MACROD2: variants seen among roughly 807,000 people sequenced by gnomAD.
The protein encoded by MACROD2 is mono-ADP ribosylhydrolase 2.
Under a neutral mutation model 70.4 loss-of-function variants are expected in MACROD2, and 36 were observed. That is an observed-to-expected ratio of 0.51 (90% CI 0.39 to 0.68). MACROD2 has a LOEUF of 0.68. Among genes scored for constraint, MACROD2 ranks in the 30% least tolerant of loss-of-function variants. MACROD2 has a pLI of 0.00. For synonymous variants in MACROD2, 172 were observed against 178.8 expected, an observed-to-expected ratio of 0.96 and a Z score of 0.30; for missense variants, 496 against 538.4, an observed-to-expected ratio of 0.92 and a Z score of 0.78.
chr20:14,212,380 G>C (rs755286856), intron 3 of MACROD2, among the ~76,000 whole-genome samples: 6 of 152,150 alleles, frequency 3.9e-5, no homozygotes, highest in African/African-American at 7.2e-5. Context: ...GAAAAAAGCA[G>C]CAGCAAGATT....
chr20:15,056,372 A>G (rs1371099905), intron 5 of MACROD2, among the ~76,000 whole-genome samples: 1 of 152,038 alleles, frequency 6.6e-6, no homozygotes, highest in Non-Finnish European at 1.5e-5. Flanking sequence ...CCTTGCCCCA[A>G]GCACTCAGAG....
chr20:14,640,048 TG>T (rs1985003620), intron 4 of MACROD2, among the ~76,000 whole-genome samples: 1 of 152,180 alleles, frequency 6.6e-6, no homozygotes, highest in Non-Finnish European at 1.5e-5. Context: ...GGGTTACCTG[TG>T]GACCCCTTTC....
At chr20:14,213,018 G>A (rs2081583251) in intron 3 of MACROD2, among the ~76,000 whole-genome samples, 1 of 151,850 alleles carries the variant, frequency 6.6e-6, no homozygotes, top group Non-Finnish European at 1.5e-5. Flanking sequence ...GTGTGGGGTA[G>A]TATTTGTGTA....
chr20:15,841,543 G>T (rs529690938), intron 8 of MACROD2, among the ~76,000 whole-genome samples: 7 of 152,170 alleles, frequency 4.6e-5, no homozygotes, highest in African/African-American at 1.7e-4. Context: ...AGGGGGAGTT[G>T]CTGCACACTT....
intron 5 of MACROD2, among the ~76,000 whole-genome samples, chr20:15,085,422 G>A (rs550508273): frequency 5.7e-4 from 86 of 152,198 alleles, no homozygotes; most frequent in Non-Finnish European, 9.4e-4. Flanking sequence ...AAAAACTTTT[G>A]TGCTTCAAAG....
intron 3 of MACROD2, among the ~76,000 whole-genome samples, chr20:14,108,272 A>C (rs1258402383): frequency 6.6e-6 from 1 of 152,130 alleles, no homozygotes; most frequent in African/African-American, 2.4e-5. Flanking sequence ...ACAAAAAATA[A>C]AAAGCAAGAA....
intron 4 of MACROD2, among the ~76,000 whole-genome samples, chr20:14,633,629 A>G (rs996092105): frequency 6.6e-6 from 1 of 152,042 alleles, no homozygotes; most frequent in Non-Finnish European, 1.5e-5. Context: ...TTGGCTCCGA[A>G]TTCTCCTTTT....
chr20:15,560,853 G>A (rs756313427), intron 8 of MACROD2, among the ~76,000 whole-genome samples: 3 of 145,290 alleles, frequency 2.1e-5, no homozygotes, highest in Non-Finnish European at 4.5e-5. Context: ...ACATAATTTT[G>A]CTTTAGGTGG....
intron 8 of MACROD2, among the ~76,000 whole-genome samples, chr20:15,820,333 G>A (rs995497913): frequency 3.3e-5 from 5 of 152,044 alleles, no homozygotes; most frequent in Admixed American, 6.6e-5. Flanking sequence ...TGGGACTACA[G>A]GAGCACACCA....
intron 5 of MACROD2, among the ~76,000 whole-genome samples, chr20:14,836,272 G>C (rs991951507): frequency 3.3e-5 from 5 of 152,130 alleles, no homozygotes; most frequent in African/African-American, 1.2e-4. Flanking sequence ...TGTATGCAGA[G>C]TTTCCCAAAA....
intron 8 of MACROD2, among the ~76,000 whole-genome samples, chr20:15,693,368 G>C (rs2050322862): frequency 6.6e-6 from 1 of 152,070 alleles, no homozygotes; most frequent in Admixed American, 6.6e-5. Flanking sequence ...ATCCTATTAG[G>C]TATGTAGTAG....
At chr20:14,702,383 C>A (rs6135229) in intron 5 of MACROD2, among the ~76,000 whole-genome samples, 52,059 of 150,784 alleles carry the variant, frequency 0.35, 9,559 homozygotes, top group East Asian at 0.6. Context: ...CTCTTAAGAG[C>A]AGAATGTAAA....
At chr20:14,795,609 G>T (rs1029404630) in intron 5 of MACROD2, among the ~76,000 whole-genome samples, 1 of 152,100 alleles carries the variant, frequency 6.6e-6, no homozygotes, top group African/African-American at 2.4e-5. Flanking sequence ...AAATATTCAA[G>T]TGCAAATATT....
chr20:16,045,383 A>G (rs2067366059), intron 17 of MACROD2, among the ~76,000 whole-genome samples: 1 of 152,200 alleles, frequency 6.6e-6, no homozygotes, highest in Admixed American at 6.5e-5. Context: ...CATGGCAGCC[A>G]ATACATCAAG....
intron 6 of MACROD2, among the ~76,000 whole-genome samples, chr20:15,402,660 G>A (rs1020324249): frequency 6.6e-6 from 1 of 152,222 alleles, no homozygotes; most frequent in Non-Finnish European, 1.5e-5. Context: ...CTGGGAAGAT[G>A]TATTTAGGAA....
chr20:15,494,752 TGTGTGTGTGTGCGC>T (rs914356949), intron 7 of MACROD2, among the ~76,000 whole-genome samples: 11 of 83,216 alleles, frequency 1.3e-4, no homozygotes, highest in African/African-American at 6.4e-4. Flanking sequence ...TGTGTGTGTG[TGTGTGTGTGTGCGC>T]GTGTGTGTGT....
At chr20:15,381,140 A>G (rs1036798604) in intron 6 of MACROD2, among the ~76,000 whole-genome samples, 1 of 152,126 alleles carries the variant, frequency 6.6e-6, no homozygotes, top group Non-Finnish European at 1.5e-5. Context: ...ATTATTGACT[A>G]TGAGTTGTAT....
At chr20:14,892,378 GAC>G (rs1470402763) in intron 5 of MACROD2, among the ~76,000 whole-genome samples, 1 of 152,068 alleles carries the variant, frequency 6.6e-6, no homozygotes, top group East Asian at 1.9e-4. Flanking sequence ...AGGAGGCTGA[GAC>G]ACGAGAATCA....
At chr20:15,886,289 C>T (rs1288915252) in intron 10 of MACROD2, among the ~76,000 whole-genome samples, 1 of 152,122 alleles carries the variant, frequency 6.6e-6, no homozygotes, top group African/African-American at 2.4e-5. Flanking sequence ...CTTCCTAAAA[C>T]ACTTGTTCAT....
Sources: gnomAD v4.1 joint callset for allele counts (sites outside exome capture counted in the v4.1 genomes callset) on GRCh38, gnomAD v4.1.1 for gene constraint, MANE v1.5 for transcripts, NCBI Gene and HGNC (gene_info 2026-07-23, HGNC 2026-07-21) for gene names.